Variants in ITCH observed in about 807,000 individuals in gnomAD.
ITCH encodes the protein itchy E3 ubiquitin protein ligase.
Under a neutral mutation model 126.8 loss-of-function variants are expected in ITCH, and 28 were observed. The ratio of observed to expected loss-of-function variants is 0.22; its 90% confidence interval spans 0.16 to 0.30. The LOEUF is 0.30. Ranked by LOEUF, ITCH falls within the 10% of genes least tolerant of loss-of-function variation. The pLI is 1.00. For missense variants in ITCH, 631 were observed against 1,032.4 expected, an observed-to-expected ratio of 0.61 and a Z score of 5.33; for synonymous variants, 342 against 340.0, an observed-to-expected ratio of 1.01 and a Z score of -0.06.
chr20:34,454,097 T>C (rs1313426349), intron 12 of ITCH, among the ~76,000 whole-genome samples: 9 of 152,136 alleles, frequency 5.9e-5, no homozygotes, highest in Admixed American at 5.2e-4. Context: ...CTTGCTGTTA[T>C]GTTAACAAGA....
At chr20:34,392,126 A>G (rs2038511634) in intron 2 of ITCH, among the ~76,000 whole-genome samples, 1 of 152,164 alleles carries the variant, frequency 6.6e-6, no homozygotes, top group Non-Finnish European at 1.5e-5. Flanking sequence ...TAACTACATA[A>G]TGTGATAATG....
At chr20:34,392,155 G>T (rs369924821) in intron 2 of ITCH, among the ~76,000 whole-genome samples, 14 of 152,112 alleles carry the variant, frequency 9.2e-5, no homozygotes, top group East Asian at 3.8e-4. Flanking sequence ...GAGGACCCTT[G>T]TCCATAACAA....
chr20:34,409,824 T>C (rs1978726460), intron 4 of ITCH, among the ~76,000 whole-genome samples: 1 of 152,122 alleles, frequency 6.6e-6, no homozygotes, highest in Admixed American at 6.6e-5. Context: ...ATCTAAGATA[T>C]TGACAGCCAT....
chr20:34,462,242 A>C (rs1986603087), intron 14 of ITCH, 21 bp downstream of exon 14: 4 of 1,610,534 alleles, frequency 2.5e-6, no homozygotes, highest in Non-Finnish European at 3.4e-6. Flanking sequence ...TAAACATTGT[A>C]GATTAAGAGT....
At chr20:34,423,551 T>C (rs1981084331) in intron 6 of ITCH, among the ~76,000 whole-genome samples, 1 of 152,200 alleles carries the variant, frequency 6.6e-6, no homozygotes, top group Non-Finnish European at 1.5e-5. Flanking sequence ...TTTCCCTGTT[T>C]ACCATTTGTT....
chr20:34,397,936 A>G (rs1310762774), intron 3 of ITCH, among the ~76,000 whole-genome samples: 1 of 152,044 alleles, frequency 6.6e-6, no homozygotes, highest in Non-Finnish European at 1.5e-5. Context: ...CTCAGAGACA[A>G]TGATTAATAG....
At chr20:34,444,291 G>C (rs948346455) in intron 10 of ITCH, among the ~76,000 whole-genome samples, 2 of 152,066 alleles carry the variant, frequency 1.3e-5, no homozygotes, top group Admixed American at 6.6e-5. Flanking sequence ...CATTTAAAAT[G>C]ATAGGAAGTG....
chr20:34,393,934 A>G, intron 3 of ITCH, 53 bp downstream of exon 3: 1 of 1,527,796 alleles, frequency 6.5e-7, no homozygotes, highest in Non-Finnish European at 9.1e-7. Flanking sequence ...GTATGATTAA[A>G]AAATAATCCT....
chr20:34,455,838 G>C lies in ITCH; in HGVS notation c.1211-1552G>C, dbSNP rs1985847671. 3.3e-5 allele frequency among the ~76,000 whole-genome samples: 5 copies of C among 151,854 alleles called. No individual in the cohort carries two copies. In the Admixed American group the frequency reaches 3.3e-4, roughly 10 times the overall value. ...TCAGGAAAGCAGGTAAAATTTTGTA[G>C]ACTGGGAACACGAAAACAGGGAGAA... On this transcript the variant is annotated intron_variant, in intron 12 of 24. Coordinates refer to ENST00000374864, the MANE Select transcript of ITCH (RefSeq NM_031483.7).
In ITCH at chr20:34,509,120, T is replaced by A. The variant is rs1007960101; in HGVS notation, c.*1326T>A. 1.3e-5 allele frequency: 2 copies of A among 152,662 alleles called. No homozygotes were observed. Among genetic ancestry groups the A allele is most frequent in the Non-Finnish European group, 2.9e-5 (2 of 68,046 alleles). 9.5% of individuals were successfully genotyped at this position (152,662 alleles called of 1,614,324 possible). A position where few individuals can be genotyped will look rare whatever the true frequency, so the allele number is the denominator to read the frequency against. Reference sequence around the variant, plus strand: ...CACCCCTAAAATTTTTAACAGGGTTTCCTTTTTTTCTCACGACTATTTAAG... The same window carrying A: ...CACCCCTAAAATTTTTAACAGGGTTACCTTTTTTTCTCACGACTATTTAAG... On this transcript the variant is annotated 3_prime_UTR_variant, in exon 25 of 25. Coordinates refer to ENST00000374864, the MANE Select transcript of ITCH (RefSeq NM_031483.7).
chr20:34,486,064 G>A (rs985494733), intron 20 of ITCH, among the ~76,000 whole-genome samples: 4 of 152,022 alleles, frequency 2.6e-5, no homozygotes, highest in Non-Finnish European at 5.9e-5. Flanking sequence ...GCCCAGGTTG[G>A]AGCGTAGTGG....
intron 20 of ITCH, among the ~76,000 whole-genome samples, chr20:34,486,665 T>TTTTATTTATTTATTTATTTA (rs71194610): frequency 1.3e-5 from 2 of 149,104 alleles, no homozygotes; most frequent in African/African-American, 4.9e-5. Flanking sequence ...ATTTTATTTA[T>TTTTATTTATTTATTTATTTA]TTTATTTATT....
At chr20:34,425,662 A>T (rs1411904607) in intron 7 of ITCH, among the ~76,000 whole-genome samples, 3 of 152,220 alleles carry the variant, frequency 2.0e-5, no homozygotes, top group African/African-American at 7.2e-5. Flanking sequence ...ACATAAATCT[A>T]GCCTCTGTGC....
chr20:34,366,281 G>C (rs969608398), intron 1 of ITCH, among the ~76,000 whole-genome samples: 2 of 152,140 alleles, frequency 1.3e-5, no homozygotes, highest in African/African-American at 4.8e-5. Flanking sequence ...GTCTCACCCA[G>C]TCACGCAGGA....
chr20:34,449,693 C>T (rs991086453), intron 12 of ITCH, among the ~76,000 whole-genome samples: 10 of 151,794 alleles, frequency 6.6e-5, no homozygotes, highest in Admixed American at 1.3e-4. Flanking sequence ...CTTTTATTGA[C>T]GCTCATAATT....
chr20:34,419,485 CT>C lies in ITCH; in HGVS notation c.476-4981del, dbSNP rs1192397617. On this transcript the variant is annotated intron_variant, in intron 6 of 24. Coordinates refer to ENST00000374864, the MANE Select transcript of ITCH (RefSeq NM_031483.7). ...AGCTCTATGAAAATATCAGTGTTGC[CT>C]TTTTTTTTTTTTTGAGACGGAGTCT... Among the ~76,000 whole-genome samples, 951 of 140,950 alleles carry C rather than the reference CT, an allele frequency of 6.7e-3. 6 individuals carry two copies. The highest frequency in any genetic ancestry group is 0.02 in the African/African-American group (768 of 38,986). 92.5% of individuals were successfully genotyped at this position (140,950 alleles called of 152,430 possible). A position where few individuals can be genotyped will look rare whatever the true frequency, so the allele number is the denominator to read the frequency against.
intron 2 of ITCH, among the ~76,000 whole-genome samples, chr20:34,377,870 C>CA (rs979304706): frequency 0.015 from 1,553 of 106,856 alleles, 9 homozygotes; most frequent in Middle Eastern, 0.027. Context: ...GACCCTGTCT[C>CA]AAAAAAAAAA....
At chr20:34,485,020 T>G (rs536767940) in intron 20 of ITCH, among the ~76,000 whole-genome samples, 1 of 152,380 alleles carries the variant, frequency 6.6e-6, no homozygotes, top group South Asian at 2.1e-4. Flanking sequence ...TTAAACTTCC[T>G]AAAATGAAAT....
At chr20:34,459,362 C>T (rs183344974) in intron 13 of ITCH, among the ~76,000 whole-genome samples, 12 of 152,190 alleles carry the variant, frequency 7.9e-5, no homozygotes, top group Admixed American at 7.9e-4. Flanking sequence ...GGCTTGATCA[C>T]GTACTGCCCT....
Sources: allele counts gnomAD v4.1 joint callset (sites outside exome capture counted in the v4.1 genomes callset), GRCh38; gene constraint gnomAD v4.1.1; transcripts MANE v1.5; gene names NCBI Gene and HGNC (gene_info 2026-07-23, HGNC 2026-07-21).